The following ADCY2 variants were observed in gnomAD, a reference collection of about 807,000 sequenced individuals.
ADCY2 encodes the protein adenylate cyclase type 2.
A neutral mutation model predicts 125.2 loss-of-function variants in ADCY2; 31 were observed. The observed-to-expected ratio is 0.25, with a 90% CI of 0.19 to 0.33. The LOEUF (loss-of-function observed/expected upper bound fraction) is 0.33, where lower values mean the gene tolerates loss of function less well. ADCY2 is among the 10% of genes least tolerant of loss of function. The pLI is 1.00. For missense variants in ADCY2, 904 were observed against 1,418.2 expected, an observed-to-expected ratio of 0.64 and a Z score of 5.82; for synonymous variants, 512 against 548.4, an observed-to-expected ratio of 0.93 and a Z score of 0.93.
chr5:7,763,869 C>T (rs1027615226), intron 16 of ADCY2, among the ~76,000 whole-genome samples: 1 of 152,138 alleles, frequency 6.6e-6, no homozygotes, highest in African/African-American at 2.4e-5. Context: ...GGGAGAGATG[C>T]ATTAGGAGTA....
intron 2 of ADCY2, among the ~76,000 whole-genome samples, chr5:7,435,946 A>G (rs913804193): frequency 6.6e-6 from 1 of 152,204 alleles, no homozygotes; most frequent in Non-Finnish European, 1.5e-5. Flanking sequence ...AGAAACCTCA[A>G]CATTTTAGCC....
At chr5:7,587,821 G>A (rs1352725247) in intron 3 of ADCY2, among the ~76,000 whole-genome samples, 1 of 152,182 alleles carries the variant, frequency 6.6e-6, no homozygotes, top group African/African-American at 2.4e-5. Flanking sequence ...AGAGGATAGG[G>A]AAACGTTGAG....
intron 7 of ADCY2, among the ~76,000 whole-genome samples, chr5:7,700,497 C>T (rs1247528979): frequency 2.9e-5 from 1 of 35,076 alleles, no homozygotes; most frequent in African/African-American, 8.9e-5. Context: ...ACCTTATCCT[C>T]AACTTTTTTT....
chr5:7,696,146 A>G (rs1263395861), intron 6 of ADCY2, among the ~76,000 whole-genome samples: 3 of 152,204 alleles, frequency 2.0e-5, no homozygotes, highest in East Asian at 3.8e-4. Flanking sequence ...AGGCAGTGAG[A>G]TTCCATTTGC....
chr5:7,751,471 T>C (rs183658827), intron 15 of ADCY2, among the ~76,000 whole-genome samples: 1 of 152,208 alleles, frequency 6.6e-6, no homozygotes, highest in East Asian at 1.9e-4. Context: ...AAAGTATCAT[T>C]TACCAGCAGT....
At chr5:7,547,440 T>C (rs970098503) in intron 3 of ADCY2, among the ~76,000 whole-genome samples, 4 of 152,100 alleles carry the variant, frequency 2.6e-5, no homozygotes, top group Admixed American at 6.5e-5. Flanking sequence ...CAGTCATAGG[T>C]ATGGGTCTCG....
chr5:7,562,157 C>A (rs10475383), intron 3 of ADCY2, among the ~76,000 whole-genome samples: 95,757 of 151,620 alleles, frequency 0.63, 30,947 homozygotes, highest in Non-Finnish European at 0.7. Flanking sequence ...TAATATTTGG[C>A]GCTTCTAACA....
chr5:7,593,434 C>T (rs981964158), intron 3 of ADCY2, among the ~76,000 whole-genome samples: 1 of 152,144 alleles, frequency 6.6e-6, no homozygotes, highest in Non-Finnish European at 1.5e-5. Flanking sequence ...ACAGAAAAGG[C>T]GTGGAGTCTG....
chr5:7,718,798 A>T (rs921196327), intron 12 of ADCY2, among the ~76,000 whole-genome samples: 3 of 152,070 alleles, frequency 2.0e-5, no homozygotes, highest in Non-Finnish European at 4.4e-5. Flanking sequence ...ACTGTCACAT[A>T]CTGAGAAATA....
chr5:7,796,293 A>C (rs1744419130), intron 20 of ADCY2: 1 of 152,118 alleles, frequency 6.6e-6, no homozygotes, highest in South Asian at 2.1e-4. Flanking sequence ...TCTCTGTGGC[A>C]CAACCTGTGG....
rs190427944 is a variant in ADCY2, at chr5:7,793,416, A to G, written c.2628+3616A>G. On this transcript the variant is annotated intron_variant, in intron 20 of 24. Transcript: ENST00000338316. ...CAGCGAGCCGAGATCGTGCCTTTGC[A>G]CTCCAGCATGGGCAACAGTACGAGA... 1.6e-4 allele frequency among the ~76,000 whole-genome samples: 24 copies of G among 152,246 alleles called. No homozygotes were observed. In the East Asian group the frequency reaches 4.3e-3, roughly 27 times the overall value.
intron 2 of ADCY2, among the ~76,000 whole-genome samples, chr5:7,459,772 A>ATCTTTTTTTTTT (rs1741842878): frequency 1.4e-5 from 1 of 72,818 alleles, no homozygotes; most frequent in African/African-American, 6.1e-5. Flanking sequence ...TTAAGAGGTA[A>ATCTTTTTTTTTT]TTTTTTTTTT....
At chr5:7,537,989 T>C (rs1500272) in intron 3 of ADCY2, among the ~76,000 whole-genome samples, 131,066 of 152,106 alleles carry the variant, frequency 0.86, 58,248 homozygotes, top group Non-Finnish European at 0.97. Flanking sequence ...CCCACGAGCC[T>C]ATCCCAGGAG....
Position 7,396,313 on chromosome 5 carries a change from T to C in ADCY2, c.17T>C (p.Met6Thr), listed in dbSNP as rs1739028016. Residue 6 changes from methionine (M) to threonine (T), a missense_variant, in exon 1 of 25, where the codon ATG becomes ACG. This residue lies in a region of ADCY2 where 113 missense variants were observed against 108.0 expected (regional missense o/e 1.05). Transcript: ENST00000338316. The surrounding 1 kb of genome is among the most constrained non-coding windows in gnomAD (Gnocchi z 5.7). The part of the protein sequence containing the change: MWQEA[M>T]RRRRYLRDRS... ...GCGGCCCCGATGTGGCAGGAGGCGA[T>C]GCGGCGCCGCCGCTACCTGCGGGAC... 6.3e-6 allele frequency: 9 copies of C among 1,439,716 alleles called. No homozygotes were observed. Among genetic ancestry groups the C allele is most frequent in the Non-Finnish European group, 8.2e-6 (9 of 1,093,326 alleles). 89.2% of individuals were successfully genotyped at this position (1,439,716 alleles called of 1,614,324 possible).
chr5:7,571,331 G>T (rs913559393), intron 3 of ADCY2, among the ~76,000 whole-genome samples: 81 of 152,226 alleles, frequency 5.3e-4, no homozygotes, highest in African/African-American at 1.8e-3. Flanking sequence ...GTGTCCAAAA[G>T]CCTGAGAAGG....
intron 4 of ADCY2, among the ~76,000 whole-genome samples, chr5:7,653,773 A>G (rs764740868): frequency 6.6e-6 from 1 of 152,226 alleles, no homozygotes; most frequent in Non-Finnish European, 1.5e-5. Context: ...AAATTGCCTT[A>G]GATAACCTTC....
At chr5:7,534,786 C>A (rs1553245) in intron 3 of ADCY2, among the ~76,000 whole-genome samples, 32 of 152,124 alleles carry the variant, frequency 2.1e-4, no homozygotes, top group African/African-American at 7.0e-4. Context: ...GTCAGTGTCC[C>A]TGGACTTAAG....
rs993510951 is a variant in ADCY2, at chr5:7,463,196, A to AT, written c.408+48434dup. ...ACAGTACCTATGCCTATTACATGCC[A>AT]TTTTTTTTGGTTTCCCCACATCAAA... On this transcript the variant is annotated intron_variant, in intron 2 of 24. Transcript: ENST00000338316. Among the ~76,000 whole-genome samples the AT allele has an allele frequency of 1.7e-3, 262 of 152,016 alleles. 1 individual carries two copies. Among genetic ancestry groups the AT allele is most frequent in the African/African-American group, 4.8e-3 (199 of 41,488 alleles).
chr5:7,464,431 C>A (rs919022143), intron 2 of ADCY2, among the ~76,000 whole-genome samples: 3 of 152,188 alleles, frequency 2.0e-5, no homozygotes, highest in Non-Finnish European at 2.9e-5. Flanking sequence ...AGAGTGCCAT[C>A]TACTGACCTA....
Sources: gnomAD v4.1 joint callset for allele counts (sites outside exome capture counted in the v4.1 genomes callset) on GRCh38, gnomAD v4.1.1 for gene constraint, gnomAD v4.1.1 regional missense constraint, Gnocchi (gnomAD v3.1) non-coding constraint, MANE v1.5 for transcripts, NCBI Gene and HGNC (gene_info 2026-07-23, HGNC 2026-07-21) for gene names.